TBC1D22A: variants seen among roughly 807,000 people sequenced by gnomAD.
TBC1D22A encodes putative GTPase activator.
A neutral mutation model predicts 60.2 loss-of-function variants in TBC1D22A; 38 were observed. That is an observed-to-expected ratio of 0.63 (90% CI 0.49 to 0.83). The LOEUF is 0.83. Ranked by LOEUF, TBC1D22A falls within the 40% of genes least tolerant of loss-of-function variation. The pLI is 0.00. For missense variants in TBC1D22A, 628 were observed against 701.0 expected (o/e 0.90, Z 1.18); for synonymous variants, 302 against 281.7 (o/e 1.07, Z -0.72).
chr22:46,873,397 A>G (rs1415845769), intron 4 of TBC1D22A, among the ~76,000 whole-genome samples: 3 of 152,208 alleles, frequency 2.0e-5, no homozygotes, highest in Non-Finnish European at 4.4e-5. Context: ...GACAACGCTA[A>G]ATTTTGGCCA....
In TBC1D22A at chr22:47,009,008, G is replaced by A. The variant is rs781418670; in HGVS notation, c.1201+11299G>A. Among the ~76,000 whole-genome samples the A allele has an allele frequency of 5.9e-5, 9 of 152,188 alleles. No homozygotes were observed. Among genetic ancestry groups the A allele is most frequent in the Non-Finnish European group, 1.3e-4 (9 of 68,020 alleles). ...TAGAAATAATTCTCGAACATTTCTGGCTTATTCTAATCTACTCTTCAGCTC... is the reference window on the plus strand; with the variant it reads ...TAGAAATAATTCTCGAACATTTCTGACTTATTCTAATCTACTCTTCAGCTC... On this transcript the variant is annotated intron_variant, in intron 10 of 12. Coordinates refer to ENST00000337137, the MANE Select transcript of TBC1D22A (RefSeq NM_014346.5). The surrounding 1 kb of genome is among the most constrained non-coding windows in gnomAD (Gnocchi z 5.8).
rs2072028957 is a variant in TBC1D22A, at chr22:46,941,236, C to CACACACACACACAG, written c.1015+29049_1015+29050insCACACACACACAGA. The stretch of plus-strand genomic sequence containing the variant: ...ACACACACACACACACACACACACA[C>CACACACACACACAG]AGTCCACCCTTGAACAGCATGGAAG... On this transcript the variant is annotated intron_variant, in intron 8 of 12. Transcript: ENST00000337137. 3.5e-5 allele frequency among the ~76,000 whole-genome samples: 5 copies of CACACACACACACAG among 144,340 alleles called. No individual in the cohort carries two copies. In the Admixed American group the frequency reaches 3.5e-4, roughly 10 times the overall value. 94.7% of individuals were successfully genotyped at this position (144,340 alleles called of 152,430 possible). A position where few individuals can be genotyped will look rare whatever the true frequency, so the allele number is the denominator to read the frequency against.
intron 8 of TBC1D22A, among the ~76,000 whole-genome samples, chr22:46,920,053 T>TGTA (rs1555949316): frequency 1.8e-5 from 1 of 56,600 alleles, no homozygotes; most frequent in African/African-American, 1.4e-4. Context: ...ATATATGTGT[T>TGTA]TGTTTGTATG....
At chr22:47,164,762 G>A (rs1008188060) in intron 12 of TBC1D22A, among the ~76,000 whole-genome samples, 1 of 152,210 alleles carries the variant, frequency 6.6e-6, no homozygotes, top group African/African-American at 2.4e-5. Context: ...GACAGCAGCG[G>A]ACCTTTTCGC....
At chr22:46,891,230 A>G (rs200556423) in intron 5 of TBC1D22A, 36 bp from the exon 6 acceptor site, 3 of 1,580,988 alleles carry the variant, frequency 1.9e-6, no homozygotes, top group African/African-American at 1.4e-5. Context: ...TGAATTAGCT[A>G]TAACCATGTA....
chr22:47,026,170 A>T (rs1736963466), intron 10 of TBC1D22A, among the ~76,000 whole-genome samples: 1 of 152,220 alleles, frequency 6.6e-6, no homozygotes, highest in Non-Finnish European at 1.5e-5. Flanking sequence ...ATTTGACACA[A>T]TCCAATATCC....
intron 9 of TBC1D22A, among the ~76,000 whole-genome samples, chr22:46,976,535 A>G (rs1459941572): frequency 6.6e-6 from 1 of 152,180 alleles, no homozygotes; most frequent in Non-Finnish European, 1.5e-5. Flanking sequence ...GTATGAGGCT[A>G]TGTACTCACT....
chr22:47,130,615 G>T (rs1346542187), intron 12 of TBC1D22A, among the ~76,000 whole-genome samples: 1 of 152,192 alleles, frequency 6.6e-6, no homozygotes. Context: ...GCCTGTGTTT[G>T]CACCTTTTCG....
chr22:47,044,000 A>AGGTGCTGGGGAGGAGCCTGTCTGGGCG (rs1192441235), intron 11 of TBC1D22A, among the ~76,000 whole-genome samples: 1 of 38,910 alleles, frequency 2.6e-5, no homozygotes, highest in African/African-American at 1.1e-4. Context: ...CTGTCTGAGC[A>AGGTGCTGGGGAGGAGCCTGTCTGGGCG]GGGCAGGGCT....
chr22:47,126,259 G>A (rs899619174), intron 12 of TBC1D22A, among the ~76,000 whole-genome samples: 11 of 152,256 alleles, frequency 7.2e-5, no homozygotes, highest in African/African-American at 2.4e-4. Context: ...TGGGATTACA[G>A]GCATGAGCCA....
At chr22:47,048,597 A>C (rs373888372) in intron 11 of TBC1D22A, among the ~76,000 whole-genome samples, 70 of 152,312 alleles carry the variant, frequency 4.6e-4, no homozygotes, top group African/African-American at 1.6e-3. Context: ...CATGGGAAGC[A>C]CTTACAGTTC....
intron 5 of TBC1D22A, among the ~76,000 whole-genome samples, chr22:46,885,050 C>A (rs746210432): frequency 1.4e-4 from 22 of 152,336 alleles, no homozygotes; most frequent in Admixed American, 5.9e-4. Flanking sequence ...CACAGAGTCT[C>A]TAGAGCCAGC....
Position 46,891,281 on chromosome 22 carries a change from A to G in TBC1D22A, c.724A>G (p.Asn242Asp), listed in dbSNP as rs2068392784. 6.2e-7 allele frequency: 1 copy of G among 1,610,836 alleles called. No homozygotes were observed. Among genetic ancestry groups the G allele is most frequent in the Non-Finnish European group, 8.5e-7 (1 of 1,179,028 alleles). Residue 242 changes from asparagine (N) to aspartate (D), a missense_variant, in exon 6 of 13, where the codon AAT (asparagine) becomes GAT (aspartate). Coordinates refer to ENST00000337137, the MANE Select transcript of TBC1D22A (RefSeq NM_014346.5). ...TCTCACCCAGGGTTACCTTCCCGCC[A>G]ATGTAGACCGGAGACCAGCCACTCT... ...WKLLSGYLPA[N>D]VDRRPATLQR...
intron 11 of TBC1D22A, among the ~76,000 whole-genome samples, chr22:47,094,723 G>A (rs1271297241): frequency 6.6e-6 from 1 of 152,016 alleles, no homozygotes; most frequent in African/African-American, 2.4e-5. Context: ...ATACTATATG[G>A]CTTTAAAAGG....
chr22:46,865,472 C>T (rs966359248), intron 4 of TBC1D22A, among the ~76,000 whole-genome samples: 3 of 152,208 alleles, frequency 2.0e-5, no homozygotes, highest in Admixed American at 6.5e-5. Context: ...CTGAAATGCT[C>T]CAAAGTCTGA....
rs1449208894 is a variant in TBC1D22A, at chr22:47,028,465, G to A, written c.1202-8606G>A. Among the ~76,000 whole-genome samples the A allele has an allele frequency of 9.5e-6, 1 of 105,244 alleles. No homozygotes were observed. The highest frequency in any genetic ancestry group is 5.2e-5 in the African/African-American group (1 of 19,212). 69.0% of individuals were successfully genotyped at this position (105,244 alleles called of 152,430 possible). ...CTGTCCCTCGGTCCCTGTCCCCCAC[G>A]GCCCAGGTTCTGAGAGCGAGTGGTC... On this transcript the variant is annotated intron_variant, in intron 10 of 12. Coordinates refer to ENST00000337137, the MANE Select transcript of TBC1D22A (RefSeq NM_014346.5). The surrounding 1 kb of genome is among the most constrained non-coding windows in gnomAD (Gnocchi z 4.4).
At chr22:47,046,595 A>G (rs1271346687) in intron 11 of TBC1D22A, among the ~76,000 whole-genome samples, 5 of 152,214 alleles carry the variant, frequency 3.3e-5, no homozygotes, top group African/African-American at 1.2e-4. Context: ...GGGCCCTGGC[A>G]TGGGCATTGG....
At chr22:46,767,121 C>A (rs1459850499) in intron 1 of TBC1D22A, among the ~76,000 whole-genome samples, 1 of 152,184 alleles carries the variant, frequency 6.6e-6, no homozygotes. Context: ...TTTATGCACA[C>A]CCTGGTCCTT....
chr22:46,894,513 G>C (rs1388491961), intron 6 of TBC1D22A, among the ~76,000 whole-genome samples: 1 of 152,230 alleles, frequency 6.6e-6, no homozygotes, highest in Non-Finnish European at 1.5e-5. Context: ...GCCGAGGCCT[G>C]CTCTGTTTCT....
Sources: allele counts gnomAD v4.1 joint callset (sites outside exome capture counted in the v4.1 genomes callset), GRCh38; gene constraint gnomAD v4.1.1; non-coding constraint Gnocchi (gnomAD v3.1); transcripts MANE v1.5; gene names NCBI Gene and HGNC (gene_info 2026-07-23, HGNC 2026-07-21).